The following ZMIZ2 variants were observed in gnomAD, a reference collection of about 807,000 sequenced individuals.
ZMIZ2 encodes zinc finger MIZ domain-containing protein 2.
ZMIZ2 carries 26 observed loss-of-function variants against 93.9 expected under a neutral mutation model. That is an observed-to-expected ratio of 0.28 (90% CI 0.20 to 0.38). The LOEUF is 0.38. Ranked by LOEUF, ZMIZ2 falls within the 10% of genes least tolerant of loss-of-function variation. ZMIZ2 has a pLI of 1.00. For missense variants in ZMIZ2, 1,023 were observed against 1,235.0 expected, an observed-to-expected ratio of 0.83 and a Z score of 2.57; for synonymous variants, 485 against 516.4, an observed-to-expected ratio of 0.94 and a Z score of 0.82.
Position 44,764,411 on chromosome 7 carries a change from C to T in ZMIZ2, c.1861-8C>T, listed in dbSNP as rs368104866. ...TGAGAAACTGACTTTCTTCCCATCT[C>T]TCTACAGTGCTTTGACCTGGAGTCG... On this transcript the variant is annotated splice_region_variant and splice_polypyrimidine_tract_variant and intron_variant, in intron 13 of 18. Coordinates refer to ENST00000309315, the MANE Select transcript of ZMIZ2 (RefSeq NM_031449.4). 49 of 1,613,968 alleles carry T rather than the reference C, an allele frequency of 3.0e-5. No individual in the cohort carries two copies. The highest frequency in any genetic ancestry group is 4.0e-5 in the African/African-American group (3 of 74,940).
Position 44,767,510 on chromosome 7 carries a change from C to T in ZMIZ2, c.2656-6C>T, listed in dbSNP as rs773976093. The T allele has an allele frequency of 3.7e-6, 6 of 1,612,888 alleles. No individual in the cohort carries two copies. Among genetic ancestry groups the T allele is most frequent in the African/African-American group, 1.3e-5 (1 of 75,000 alleles). ...AAGCTGCTAACAGAGTTCACTTTGT[C>T]CTCAGCTGCTCCCGGAACTGACCAA... is the stretch of plus-strand genomic sequence containing the variant. On this transcript the variant is annotated splice_region_variant and splice_polypyrimidine_tract_variant and intron_variant, in intron 18 of 18. Coordinates refer to ENST00000309315, the MANE Select transcript of ZMIZ2 (RefSeq NM_031449.4).
At chr7:44,755,011 G>GTT (rs972126862) in intron 1 of ZMIZ2, among the ~76,000 whole-genome samples, 5 of 152,188 alleles carry the variant, frequency 3.3e-5, no homozygotes, top group African/African-American at 1.2e-4. Context: ...GCCTGCTTTG[G>GTT]TAAGGGGCTT....
intron 14 of ZMIZ2, among the ~76,000 whole-genome samples, chr7:44,764,740 C>G (rs1490461938): frequency 2.6e-5 from 4 of 152,234 alleles, no homozygotes; most frequent in African/African-American, 9.6e-5. Flanking sequence ...ATTTTCACCT[C>G]ACACAAGGGT....
chr7:44,758,121 G>C lies in ZMIZ2; in HGVS notation c.813+13G>C. 6.6e-7 allele frequency: 1 copy of C among 1,524,562 alleles called. No individual in the cohort carries two copies. Among genetic ancestry groups the C allele is most frequent in the South Asian group, 1.3e-5 (1 of 76,794 alleles). 94.4% of individuals were successfully genotyped at this position (1,524,562 alleles called of 1,614,324 possible). A position where few individuals can be genotyped will look rare whatever the true frequency, so the allele number is the denominator to read the frequency against. On this transcript the variant is annotated intron_variant, in intron 6 of 18. Transcript: ENST00000309315. ...AACCTACTCTGAGGTGAGTGTCCAG[G>C]TCACCTAGTTTGGGGCCTTGGGTAC...
Position 44,761,301 on chromosome 7 carries a change from A to G in ZMIZ2, c.1241-148A>G. The stretch of plus-strand genomic sequence containing the variant: ...TGGCCCCAGCCCCAGGGCACCACTC[A>G]GGCCTGCCAAGCAGTGCCTGACAGG... On this transcript the variant is annotated intron_variant, in intron 9 of 18. Coordinates refer to ENST00000309315, the MANE Select transcript of ZMIZ2 (RefSeq NM_031449.4). This position sits in a 1 kb window ranked among gnomAD's most constrained non-coding sequence, Gnocchi z 5.8. 2 of 1,292,690 alleles carry G rather than the reference A, an allele frequency of 1.5e-6. No individual in the cohort carries two copies. The highest frequency in any genetic ancestry group is 1.0e-6 in the Non-Finnish European group (1 of 960,952). The allele number at this position is 1,292,690 out of a possible 1,614,324, so 80.1% of individuals were successfully genotyped here.
chr7:44,752,606 C>T (rs1021768702), intron 1 of ZMIZ2, among the ~76,000 whole-genome samples: 4 of 152,204 alleles, frequency 2.6e-5, no homozygotes, highest in Admixed American at 6.5e-5. Context: ...ATAAAGGAAT[C>T]GTACACCGTG....
At chr7:44,764,092 C>T (rs1034412255) in intron 13 of ZMIZ2, among the ~76,000 whole-genome samples, 2 of 152,096 alleles carry the variant, frequency 1.3e-5, no homozygotes, top group Admixed American at 6.6e-5. Flanking sequence ...GAGCTGAGAT[C>T]GAGCCACTGC....
Position 44,767,812 on chromosome 7 carries a change from G to C in ZMIZ2, c.*189G>C. 1.6e-6 allele frequency: 1 copy of C among 613,498 alleles called. No homozygotes were observed. Among genetic ancestry groups the C allele is most frequent in the Non-Finnish European group, 2.9e-6 (1 of 347,862 alleles). The allele number at this position is 613,498 out of a possible 1,614,324, so 38.0% of individuals were successfully genotyped here. Reference sequence around the variant, plus strand: ...AGCAGCCCTGTGCTCGATGGGAGGGGCTCCCAGGCCGGCAGCCCTTGCCAC... The same window carrying C: ...AGCAGCCCTGTGCTCGATGGGAGGGCCTCCCAGGCCGGCAGCCCTTGCCAC... On this transcript the variant is annotated 3_prime_UTR_variant, in exon 19 of 19. Coordinates refer to ENST00000309315, the MANE Select transcript of ZMIZ2 (RefSeq NM_031449.4).
At chr7:44,758,222 G>A (rs1790789585) in intron 6 of ZMIZ2, 114 bp downstream of exon 6, 1 of 1,353,080 alleles carries the variant, frequency 7.4e-7, no homozygotes, top group Non-Finnish European at 9.7e-7. Flanking sequence ...GCTCACGCCT[G>A]TAGTCCCTGC....
intron 7 of ZMIZ2, chr7:44,759,736 G>T: frequency 2.1e-6 from 1 of 476,270 alleles, no homozygotes; most frequent in Non-Finnish European, 3.7e-6. Context: ...ATCCTGTGCA[G>T]GGAGCAGCAG....
Position 44,763,387 on chromosome 7 carries a change from C to G in ZMIZ2, c.1834C>G (p.Arg612Gly). The G allele has an allele frequency of 6.2e-7, 1 of 1,614,064 alleles. No individual in the cohort carries two copies. The highest frequency in any genetic ancestry group is 8.5e-7 in the Non-Finnish European group (1 of 1,180,010). ...ITFRRIQLPA[R>G]GHDCRHIQCF... ...CTTCCGCAGGATCCAGCTCCCTGCC[C>G]GAGGTCATGACTGTCGCCACATACA... The change falls in exon 13 of 19, where the codon CGA becomes GGA. Residue 612 changes from arginine (R) to glycine (G), a missense_variant. This residue lies in a region of ZMIZ2 where 48 missense variants were observed against 99.1 expected (regional missense o/e 0.48). Transcript: ENST00000309315. The surrounding 1 kb of genome is among the most constrained non-coding windows in gnomAD (Gnocchi z 5.6).
chr7:44,755,301 C>T (rs1483586350), intron 1 of ZMIZ2, among the ~76,000 whole-genome samples: 5 of 152,168 alleles, frequency 3.3e-5, no homozygotes, highest in Admixed American at 6.5e-5. Flanking sequence ...ACAGTCCCTG[C>T]CAGGTCTGTG....
At position 44,757,399 on chromosome 7, in the gene ZMIZ2, C is replaced by T. The variant is rs1319961161; in HGVS notation, c.390C>T (p.Gly130=). ...GCAGGTATGCAGGCGGCCCGGGGGGCCTGGGCCTCCCCTCACATGCTGCAA... is the reference window on the plus strand; with the variant it reads ...GCAGGTATGCAGGCGGCCCGGGGGGTCTGGGCCTCCCCTCACATGCTGCAA... ...FTTGYAGGPG[G]LGLPSHAARP... The change falls in exon 5 of 19, where the codon GGC becomes GGT. Residue 130 remains glycine, a synonymous_variant. Transcript: ENST00000309315. 2 of 1,601,938 alleles carry T rather than the reference C, an allele frequency of 1.2e-6. No individual in the cohort carries two copies. The highest frequency in any genetic ancestry group is 2.7e-5 in the African/African-American group (2 of 74,892).
Position 44,768,739 on chromosome 7 carries a change from C to T in ZMIZ2, c.*1116C>T, listed in dbSNP as rs1239006938. The T allele has an allele frequency of 6.6e-6, 1 of 152,180 alleles. No individual in the cohort carries two copies. Among genetic ancestry groups the T allele is most frequent in the African/African-American group, 2.4e-5 (1 of 41,432 alleles). The allele number at this position is 152,180 out of a possible 1,614,324, so 9.4% of individuals were successfully genotyped here. A position where few individuals can be genotyped will look rare whatever the true frequency, so the allele number is the denominator to read the frequency against. ...GTGCTCCCAGGGACTATTTTCTCCT[C>T]GTAAGCCAGCGACCTGCCTAAAGCT... is the stretch of plus-strand genomic sequence containing the variant. On this transcript the variant is annotated 3_prime_UTR_variant, in exon 19 of 19. Transcript: ENST00000309315.
chr7:44,760,103 C>T (rs751565296), intron 7 of ZMIZ2, 48 bp from the exon 8 acceptor site: 2 of 1,609,248 alleles, frequency 1.2e-6, no homozygotes, highest in Admixed American at 1.7e-5. Flanking sequence ...GGGGGCCCGG[C>T]AGGGGTCAGG....
chr7:44,762,256 T>C (rs1791273809), intron 11 of ZMIZ2, among the ~76,000 whole-genome samples: 1 of 152,270 alleles, frequency 6.6e-6, no homozygotes, highest in Non-Finnish European at 1.5e-5. Context: ...TCCAGTAATA[T>C]ACCCTAGCTG....
At position 44,756,398 on chromosome 7, in the gene ZMIZ2, A is replaced by G. The variant is rs557248805; in HGVS notation, c.51-27A>G. ...TTGGACACCAGTGGCTTCCTGACCC[A>G]GGCCTCAGCAGCCTCTTTCCCTGCA... On this transcript the variant is annotated intron_variant, in intron 2 of 18. Transcript: ENST00000309315. 6.1e-5 allele frequency: 98 copies of G among 1,613,886 alleles called. No individual in the cohort carries two copies. In the East Asian group the frequency reaches 2.0e-3, roughly 33 times the overall value.
rs942648587 is a variant in ZMIZ2, at chr7:44,769,100, C to A, written c.*1477C>A. 6.5e-6 allele frequency: 1 copy of A among 152,734 alleles called. No individual in the cohort carries two copies. The highest frequency in any genetic ancestry group is 6.5e-5 in the Admixed American group (1 of 15,284). 9.5% of individuals were successfully genotyped at this position (152,734 alleles called of 1,614,324 possible). ...CTGGGAGGCCTCTGCTTGTCACTTC[C>A]CAGAGATTGCAGAGGTGTGTCCTGC... On this transcript the variant is annotated 3_prime_UTR_variant, in exon 19 of 19. Transcript: ENST00000309315.
intron 4 of ZMIZ2, 91 bp downstream of exon 4, chr7:44,757,240 C>G: frequency 6.6e-7 from 1 of 1,507,460 alleles, no homozygotes; most frequent in Non-Finnish European, 8.8e-7. Flanking sequence ...TGGACGTTCC[C>G]TCTCTGCTTC....
Sources: allele counts gnomAD v4.1 joint callset (sites outside exome capture counted in the v4.1 genomes callset), GRCh38; gene constraint gnomAD v4.1.1; regional missense constraint gnomAD v4.1.1; non-coding constraint Gnocchi (gnomAD v3.1); transcripts MANE v1.5; gene names NCBI Gene and HGNC (gene_info 2026-07-23, HGNC 2026-07-21).